Variants in TMEM132D observed in about 807,000 individuals in gnomAD.
The protein encoded by TMEM132D is transmembrane protein 132D, also known as mature OL transmembrane protein.
A neutral mutation model predicts 62.3 loss-of-function variants in TMEM132D; 21 were observed. The ratio of observed to expected loss-of-function variants is 0.34; its 90% confidence interval spans 0.24 to 0.49. The LOEUF (loss-of-function observed/expected upper bound fraction) is 0.49. Ranked by LOEUF, TMEM132D falls within the 20% of genes least tolerant of loss-of-function variation. TMEM132D has a pLI of 0.99. For missense variants in TMEM132D, 1,346 were observed against 1,402.8 expected, an observed-to-expected ratio of 0.96 and a Z score of 0.65; for synonymous variants, 621 against 575.6, an observed-to-expected ratio of 1.08 and a Z score of -1.13.
intron 5 of TMEM132D, among the ~76,000 whole-genome samples, chr12:129,180,323 C>T (rs2135550691): frequency 6.6e-6 from 1 of 152,162 alleles, no homozygotes; most frequent in East Asian, 1.9e-4. Context: ...AGCCAATTTA[C>T]AGGATTGCAA....
intron 7 of TMEM132D, among the ~76,000 whole-genome samples, chr12:129,080,747 A>G (rs1472213355): frequency 1.3e-5 from 2 of 152,212 alleles, no homozygotes; most frequent in Admixed American, 6.5e-5. Flanking sequence ...ATGTCCAGGT[A>G]ACAAAGCTGC....
At chr12:129,238,143 G>A (rs920531458) in intron 4 of TMEM132D, among the ~76,000 whole-genome samples, 4 of 152,210 alleles carry the variant, frequency 2.6e-5, no homozygotes, top group East Asian at 1.9e-4. Flanking sequence ...TTGCCCTCCT[G>A]ATGGTGGCGA....
intron 3 of TMEM132D, among the ~76,000 whole-genome samples, chr12:129,448,727 A>G (rs1873180380): frequency 6.6e-6 from 1 of 152,216 alleles, no homozygotes; most frequent in Non-Finnish European, 1.5e-5. Context: ...TTAATCATAC[A>G]GGAAAAATAA....
chr12:129,454,278 G>T (rs1207790713), intron 3 of TMEM132D, among the ~76,000 whole-genome samples: 1 of 152,166 alleles, frequency 6.6e-6, no homozygotes, highest in Admixed American at 6.5e-5. Context: ...TAGAGGTCTT[G>T]GTGTAAGGCA....
At chr12:129,582,623 C>CATT (rs1877903843) in intron 2 of TMEM132D, among the ~76,000 whole-genome samples, 2 of 146,220 alleles carry the variant, frequency 1.4e-5, no homozygotes, top group East Asian at 4.1e-4. Flanking sequence ...TTCTTTCTTT[C>CATT]TTTTTTTTTT....
intron 2 of TMEM132D, among the ~76,000 whole-genome samples, chr12:129,589,478 G>C (rs768163381): frequency 6.6e-6 from 1 of 152,138 alleles, no homozygotes; most frequent in Non-Finnish European, 1.5e-5. Flanking sequence ...GTACCTACCC[G>C]CATATGCAAG....
At chr12:129,852,116 T>C (rs112762840) in intron 1 of TMEM132D, 5,661 of 152,302 alleles carry the variant, frequency 0.037, 116 homozygotes, top group Middle Eastern at 0.078. Flanking sequence ...TGTGCAAATG[T>C]GTAAAGCCTG....
intron 5 of TMEM132D, among the ~76,000 whole-genome samples, chr12:129,185,062 G>A (rs774367933): frequency 2.6e-5 from 4 of 152,224 alleles, no homozygotes; most frequent in Non-Finnish European, 4.4e-5. Flanking sequence ...CTGAACCTGC[G>A]CTGAACTTAT....
intron 1 of TMEM132D, among the ~76,000 whole-genome samples, chr12:129,805,106 G>A (rs908975910): frequency 6.7e-6 from 1 of 149,364 alleles, no homozygotes; most frequent in Admixed American, 6.7e-5. Flanking sequence ...CGTGAAAATG[G>A]CCATACTGCC....
At chr12:129,780,189 C>A (rs1871076406) in intron 1 of TMEM132D, among the ~76,000 whole-genome samples, 1 of 151,944 alleles carries the variant, frequency 6.6e-6, no homozygotes, top group Non-Finnish European at 1.5e-5. Flanking sequence ...AGGTTTCTCA[C>A]TTGAAAGACA....
At position 129,731,852 on chromosome 12, in the gene TMEM132D, C is replaced by T. The variant is rs904037930; in HGVS notation, c.80-31154G>A. Reference sequence around the variant, plus strand: ...TAATTTTTTGTATTTTTAGTAGAGACAGGGTTTCACCGTGTGAGCCAGGAT... The same window carrying T: ...TAATTTTTTGTATTTTTAGTAGAGATAGGGTTTCACCGTGTGAGCCAGGAT... On this transcript the variant is annotated intron_variant, in intron 1 of 8. Transcript: ENST00000422113. 3.3e-5 allele frequency among the ~76,000 whole-genome samples: 5 copies of T among 152,072 alleles called. No individual in the cohort carries two copies. The South Asian group carries it at 8.3e-4, about 25-fold the overall frequency.
intron 4 of TMEM132D, among the ~76,000 whole-genome samples, chr12:129,296,330 T>C (rs1328146239): frequency 1.3e-5 from 2 of 152,170 alleles, no homozygotes; most frequent in African/African-American, 2.4e-5. Context: ...GGTTAAATGG[T>C]TTGCAAAAGG....
intron 5 of TMEM132D, among the ~76,000 whole-genome samples, chr12:129,163,697 G>A (rs1877462165): frequency 6.6e-6 from 1 of 152,236 alleles, no homozygotes; most frequent in African/African-American, 2.4e-5. Context: ...CGGGCCTTGG[G>A]GTGTTAATGG....
At chr12:129,560,275 T>TC (rs1877180676) in intron 2 of TMEM132D, among the ~76,000 whole-genome samples, 1 of 150,554 alleles carries the variant, frequency 6.6e-6, no homozygotes, top group African/African-American at 2.4e-5. Flanking sequence ...GTTTTCTTTT[T>TC]TTTTTTTTTT....
intron 2 of TMEM132D, among the ~76,000 whole-genome samples, chr12:129,628,564 A>G (rs550399727): frequency 1.5e-4 from 23 of 152,314 alleles, no homozygotes; most frequent in African/African-American, 4.8e-4. Context: ...ACTCTGCTAG[A>G]CTTTGGGGAT....
intron 1 of TMEM132D, among the ~76,000 whole-genome samples, chr12:129,763,992 C>T (rs1870468919): frequency 6.6e-6 from 1 of 152,218 alleles, no homozygotes; most frequent in Non-Finnish European, 1.5e-5. Flanking sequence ...GTTGCATTTT[C>T]CTACCTTTCT....
intron 2 of TMEM132D, among the ~76,000 whole-genome samples, chr12:129,633,127 G>A (rs369602347): frequency 1.2e-4 from 19 of 152,084 alleles, no homozygotes; most frequent in East Asian, 3.9e-4. Flanking sequence ...CCACTTTACC[G>A]TCGCATTACA....
At chr12:129,719,083 G>GAAAA (rs59987335) in intron 1 of TMEM132D, among the ~76,000 whole-genome samples, 1,618 of 99,038 alleles carry the variant, frequency 0.016, 23 homozygotes, top group African/African-American at 0.053. Context: ...CAAAAAAAAT[G>GAAAA]AAAAAAAAAA....
chr12:129,678,737 T>C (rs1880702765), intron 2 of TMEM132D, among the ~76,000 whole-genome samples: 2 of 152,130 alleles, frequency 1.3e-5, no homozygotes, highest in African/African-American at 4.8e-5. Context: ...TCCTTTGGTA[T>C]TTTCTTCTAC....
Sources: allele counts gnomAD v4.1 joint callset (sites outside exome capture counted in the v4.1 genomes callset), GRCh38; gene constraint gnomAD v4.1.1; transcripts MANE v1.5; gene names NCBI Gene and HGNC (gene_info 2026-07-23, HGNC 2026-07-21).